KBTBD4: variants seen among roughly 807,000 people sequenced by gnomAD.
KBTBD4 encodes kelch repeat and BTB domain-containing protein 4.
KBTBD4 carries 30 observed loss-of-function variants against 43.9 expected under a neutral mutation model. The ratio of observed to expected loss-of-function variants is 0.68; its 90% CI spans 0.51 to 0.93. KBTBD4 has a LOEUF of 0.93. Among genes scored for constraint, KBTBD4 ranks in the 40% least tolerant of loss-of-function variants. The pLI, the probability that KBTBD4 is intolerant of heterozygous loss-of-function variation, is 0.00. For missense variants in KBTBD4, 575 were observed against 668.8 expected (o/e 0.86, Z 1.55); for synonymous variants, 258 against 256.9 (o/e 1.00, Z -0.04).
At chr11:47,578,161 T>C in intron 1 of KBTBD4, 133 bp from the exon 2 acceptor site, 2 of 886,300 alleles carry the variant, frequency 2.3e-6, no homozygotes, top group Non-Finnish European at 3.4e-6. Flanking sequence ...GTCCTGGCCC[T>C]GTCCATGATG....
chr11:47,576,991 A>C (rs758758511), intron 2 of KBTBD4, among the ~76,000 whole-genome samples: 1 of 152,130 alleles, frequency 6.6e-6, no homozygotes, highest in Non-Finnish European at 1.5e-5. Flanking sequence ...TCACACCTTA[A>C]GTATGGCTAT....
Position 47,577,422 on chromosome 11 carries a change from T to C in KBTBD4, c.626A>G (p.Asp209Gly). The C allele has an allele frequency of 6.2e-7, 1 of 1,603,696 alleles. No homozygotes were observed. Among genetic ancestry groups the C allele is most frequent in the Non-Finnish European group, 8.5e-7 (1 of 1,171,678 alleles). ...FLHLPHRLLT[D>G]IISDGVPCSQ... is the part of the protein sequence containing the mutation. The stretch of plus-strand genomic sequence containing the variant: ...CTCCCTAAACTTACCCGAGATGATA[T>C]CTGTGAGTAAGCGGTGGGGCAAGTG... Residue 209 changes from aspartate to glycine, a missense_variant, in exon 2 of 4, where the codon GAT (aspartate) becomes GGT (glycine). Asp to Gly is a moderately conservative substitution (Grantham distance 94, BLOSUM62 -1). Coordinates refer to ENST00000430070, the MANE Select transcript of KBTBD4 (RefSeq NM_018095.6).
In KBTBD4 at chr11:47,577,717, C is replaced by G; in HGVS notation, c.331G>C (p.Val111Leu). ...VIVLQDVSES[V>L]FQLLVDYIYH... ...ATATAATCAACCAGGAGCTGGAAAACAGACTCGCTGACATCCTGCAGCACA... is the reference window on the plus strand; with the variant it reads ...ATATAATCAACCAGGAGCTGGAAAAGAGACTCGCTGACATCCTGCAGCACA... Residue 111 changes from valine (V) to leucine (L), a missense_variant, in exon 2 of 4, where the codon GTT becomes CTT. Physicochemically the swap from Val to Leu is conservative, Grantham distance 32. Transcript: ENST00000430070. 4.3e-6 allele frequency: 7 copies of G among 1,614,200 alleles called. No homozygotes were observed. The highest frequency in any genetic ancestry group is 5.9e-6 in the Non-Finnish European group (7 of 1,180,044).
chr11:47,573,867 T>C lies in KBTBD4; in HGVS notation c.745-77A>G. 7.6e-7 allele frequency: 1 copy of C among 1,313,028 alleles called. No homozygotes were observed. Among genetic ancestry groups the C allele is most frequent in the Non-Finnish European group, 1.0e-6 (1 of 955,182 alleles). The allele number at this position is 1,313,028 out of a possible 1,614,324, so 81.3% of individuals were successfully genotyped here. ...TCAGCTAAGACACATATCCTTAAGATCCTGGCCCTCACACTTGTTCCTAGC... is the reference window on the plus strand; with the variant it reads ...TCAGCTAAGACACATATCCTTAAGACCCTGGCCCTCACACTTGTTCCTAGC... On this transcript the variant is annotated intron_variant, in intron 3 of 3. Coordinates refer to ENST00000430070, the MANE Select transcript of KBTBD4 (RefSeq NM_018095.6). This position sits in a 1 kb window ranked among gnomAD's most constrained non-coding sequence, Gnocchi z 4.1.
At chr11:47,578,114 G>A (rs2097263752) in intron 1 of KBTBD4, 86 bp from the exon 2 acceptor site, 2 of 1,485,714 alleles carry the variant, frequency 1.3e-6, no homozygotes, top group African/African-American at 1.4e-5. Flanking sequence ...GAGGGAAAAG[G>A]AAGAAGTGAG....
In KBTBD4 at chr11:47,572,919, TC is replaced by T. The variant is rs2097251835; in HGVS notation, c.*10del. On this transcript the variant is annotated 3_prime_UTR_variant, in exon 4 of 4. Coordinates refer to ENST00000430070, the MANE Select transcript of KBTBD4 (RefSeq NM_018095.6). ...AAAGGAGTGAGCAGTTCTCCTCCCC[TC>T]CCCACAGCCTTAGGCCAACACAAAC... 1 of 1,603,570 alleles carries T rather than the reference TC, an allele frequency of 6.2e-7. No homozygotes were observed. Among genetic ancestry groups the T allele is most frequent in the African/African-American group, 1.3e-5 (1 of 74,730 alleles).
In KBTBD4 at chr11:47,573,922, G is replaced by A; in HGVS notation, c.745-132C>T. Reference sequence around the variant, plus strand: ...TCATACTACTCTCTAATTACTGTATGGCATCCAACTCTCCTCTAGTCACTT... The same window carrying A: ...TCATACTACTCTCTAATTACTGTATAGCATCCAACTCTCCTCTAGTCACTT... On this transcript the variant is annotated intron_variant, in intron 3 of 3. Transcript: ENST00000430070. This position sits in a 1 kb window ranked among gnomAD's most constrained non-coding sequence, Gnocchi z 4.1. 1.3e-6 allele frequency: 1 copy of A among 799,538 alleles called. No homozygotes were observed. Among genetic ancestry groups the A allele is most frequent in the South Asian group, 1.8e-5 (1 of 54,778 alleles). The allele number at this position is 799,538 out of a possible 1,614,324, so 49.5% of individuals were successfully genotyped here.
chr11:47,578,815 C>T, intron 1 of KBTBD4, 118 bp downstream of exon 1: 1 of 1,539,666 alleles, frequency 6.5e-7, no homozygotes, highest in Non-Finnish European at 8.8e-7. Flanking sequence ...CCCGCCCCCT[C>T]CCCTCCTCTC....
At chr11:47,577,033 A>T (rs2097260957) in intron 2 of KBTBD4, among the ~76,000 whole-genome samples, 1 of 152,160 alleles carries the variant, frequency 6.6e-6, no homozygotes, top group East Asian at 1.9e-4. Context: ...TTGTTTCCTA[A>T]CGTTGGCCCA....
intron 2 of KBTBD4, 116 bp from the exon 3 acceptor site, chr11:47,575,815 G>T: frequency 5.0e-6 from 3 of 601,986 alleles, no homozygotes; most frequent in Non-Finnish European, 5.9e-6. Context: ...GTGTATATGT[G>T]TACATGCATA....
At position 47,573,604 on chromosome 11, in the gene KBTBD4, G is replaced by C. The variant is rs1157556081; in HGVS notation, c.931C>G (p.Pro311Ala). 1 of 1,614,104 alleles carries C rather than the reference G, an allele frequency of 6.2e-7. No individual in the cohort carries two copies. The highest frequency in any genetic ancestry group is 8.5e-7 in the Non-Finnish European group (1 of 1,180,024). The change falls in exon 4 of 4, where the codon CCA (proline) becomes GCA (alanine). Residue 311 changes from proline (P) to alanine (A), a missense_variant. By Grantham distance (27) the Pro-to-Ala change is conservative. Coordinates refer to ENST00000430070, the MANE Select transcript of KBTBD4 (RefSeq NM_018095.6). This position sits in a 1 kb window ranked among gnomAD's most constrained non-coding sequence, Gnocchi z 4.1. ...TTGTTGCACTTCCACATGCGCCGTG[G>C]GATGGACCCTCCCACCACATACAAG... is the stretch of plus-strand genomic sequence containing the variant. Reference protein sequence around the residue: ...GDLYVVGGSIPRRMWKCNNAT... With the variant: ...GDLYVVGGSIARRMWKCNNAT...
Position 47,572,933 on chromosome 11 carries a change from G to A in KBTBD4, c.1602C>T (p.Ala534=). Residue 534 remains alanine, a synonymous_variant, in exon 4 of 4, where the codon GCC becomes GCT. Transcript: ENST00000430070. ...TTCTCCTCCCCTCCCCACAGCCTTA[G>A]GCCAACACAAACTGCAAATTGGTAA... ...VLLTNLQFVL[A] The A allele has an allele frequency of 1.2e-6, 2 of 1,612,322 alleles. No individual in the cohort carries two copies. Among genetic ancestry groups the A allele is most frequent in the Non-Finnish European group, 1.7e-6 (2 of 1,178,850 alleles).
Position 47,572,751 on chromosome 11 carries a change from G to A in KBTBD4, c.*179C>T. On this transcript the variant is annotated 3_prime_UTR_variant, in exon 4 of 4. Transcript: ENST00000430070. ...CTACTGTCAGTTCAAGCAACCAGCTGAGCAGCAGCAGTCTAAAAAGCCCCA... is the reference window on the plus strand; with the variant it reads ...CTACTGTCAGTTCAAGCAACCAGCTAAGCAGCAGCAGTCTAAAAAGCCCCA... The A allele has an allele frequency of 3.1e-6, 2 of 650,258 alleles. No individual in the cohort carries two copies. Among genetic ancestry groups the A allele is most frequent in the Admixed American group, 3.0e-5 (1 of 33,682 alleles). 40.3% of individuals were successfully genotyped at this position (650,258 alleles called of 1,614,324 possible).
intron 2 of KBTBD4, 28 bp from the exon 3 acceptor site, chr11:47,575,727 C>A: frequency 7.1e-7 from 1 of 1,400,582 alleles, no homozygotes; most frequent in South Asian, 1.2e-5. Context: ...AAGGCATGGT[C>A]AATGACAATC....
rs1237604075 is a variant in KBTBD4 at position 47,577,408 on chromosome 11, T to C, written c.637+3A>G. On this transcript the variant is annotated splice_donor_region_variant and intron_variant, in intron 2 of 3. Transcript: ENST00000430070. ...GTATGGTGTGTCCCCTCCCTAAACT[T>C]ACCCGAGATGATATCTGTGAGTAAG... The C allele has an allele frequency of 3.1e-6, 5 of 1,596,110 alleles. No homozygotes were observed. The South Asian group carries it at 3.3e-5, about 11-fold the overall frequency.
At chr11:47,574,552 C>T (rs888092244) in intron 3 of KBTBD4, among the ~76,000 whole-genome samples, 11 of 152,002 alleles carry the variant, frequency 7.2e-5, no homozygotes, top group African/African-American at 2.2e-4. Context: ...ATAATCTGGC[C>T]ATCAAAAAGA....
At chr11:47,576,874 G>A (rs534404459) in intron 2 of KBTBD4, among the ~76,000 whole-genome samples, 10 of 151,782 alleles carry the variant, frequency 6.6e-5, no homozygotes, top group East Asian at 3.9e-4. Context: ...ACGGGATTTC[G>A]CCATGTTGGC....
chr11:47,577,588 A>G lies in KBTBD4; in HGVS notation c.460T>C (p.Leu154=). The G allele has an allele frequency of 1.9e-6, 3 of 1,614,192 alleles. No individual in the cohort carries two copies. The highest frequency in any genetic ancestry group is 2.5e-6 in the Non-Finnish European group (3 of 1,180,042). ...TSLFEECSRF[L]ARTVQVGNCL... ...TTTCCCACTTGCACTGTGCGGGCCA[A>G]AAACCGAGAGCATTCCTCAAAGAGA... The change falls in exon 2 of 4, where the codon TTG becomes CTG. Residue 154 remains leucine (L), a synonymous_variant. Transcript: ENST00000430070.
At position 47,572,919 on chromosome 11, in the gene KBTBD4, T is replaced by A. The variant is rs186481785; in HGVS notation, c.*11A>T. On this transcript the variant is annotated 3_prime_UTR_variant, in exon 4 of 4. Coordinates refer to ENST00000430070, the MANE Select transcript of KBTBD4 (RefSeq NM_018095.6). ...AAAGGAGTGAGCAGTTCTCCTCCCC[T>A]CCCCACAGCCTTAGGCCAACACAAA... 1 of 1,603,688 alleles carries A rather than the reference T, an allele frequency of 6.2e-7. No individual in the cohort carries two copies. Among genetic ancestry groups the A allele is most frequent in the East Asian group, 2.2e-5 (1 of 44,708 alleles).
Sources: gnomAD v4.1 joint callset for allele counts (sites outside exome capture counted in the v4.1 genomes callset) on GRCh38, gnomAD v4.1.1 for gene constraint, Gnocchi (gnomAD v3.1) non-coding constraint, MANE v1.5 for transcripts, NCBI Gene and HGNC (gene_info 2026-07-23, HGNC 2026-07-21) for gene names.